Variants in DST observed in about 807,000 individuals in gnomAD.
DST encodes dystonin.
DST carries 253 observed loss-of-function variants against 875.2 expected under a neutral mutation model. The observed-to-expected ratio is 0.29, with a 90% CI of 0.26 to 0.32. DST has a LOEUF of 0.32. Ranked by LOEUF, DST falls within the 10% of genes least tolerant of loss-of-function variation. The probability of loss-of-function intolerance (pLI) is 1.00; values close to 1 mark genes in which losing one functional copy is unlikely to be tolerated. For missense variants in DST, 8,287 were observed against 9,111.6 expected (o/e 0.91, Z 3.68); for synonymous variants, 3,124 against 3,197.1 (o/e 0.98, Z 0.77).
chr6:56,869,400 A>G (rs1390701798), intron 3 of DST, among the ~76,000 whole-genome samples: 1 of 152,230 alleles, frequency 6.6e-6, no homozygotes, highest in Non-Finnish European at 1.5e-5. Flanking sequence ...TTCACTTGAC[A>G]AACAGGAGAC....
At chr6:56,862,989 T>C (rs1187945146) in intron 3 of DST, 2 of 152,202 alleles carry the variant, frequency 1.3e-5, no homozygotes, top group African/African-American at 4.8e-5. Flanking sequence ...GCCTCCTAAT[T>C]TGTGGTGACT....
intron 5 of DST, among the ~76,000 whole-genome samples, chr6:56,728,182 T>C (rs1030717271): frequency 1.3e-5 from 2 of 152,230 alleles, no homozygotes; most frequent in East Asian, 1.9e-4. Flanking sequence ...TTTGAAAAGA[T>C]AGTTCACAAT....
At chr6:56,928,091 T>C (rs1366924112) in intron 2 of DST, among the ~76,000 whole-genome samples, 2 of 152,176 alleles carry the variant, frequency 1.3e-5, no homozygotes, top group Non-Finnish European at 2.9e-5. Context: ...CTTATACCTC[T>C]GAGGTGGGAG....
At chr6:56,518,315 A>G (rs2096634401) in intron 69 of DST, among the ~76,000 whole-genome samples, 1 of 152,166 alleles carries the variant, frequency 6.6e-6, no homozygotes, top group South Asian at 2.1e-4. Context: ...GAAGAAAATT[A>G]AAACCTAGAT....
intron 62 of DST, among the ~76,000 whole-genome samples, chr6:56,535,999 CTT>C (rs1454575600): frequency 6.6e-6 from 1 of 152,208 alleles, no homozygotes; most frequent in African/African-American, 2.4e-5. Context: ...ATGTATCAGA[CTT>C]TAAAGAATGA....
At chr6:56,816,741 T>C (rs1314558091) in intron 4 of DST, among the ~76,000 whole-genome samples, 1 of 152,096 alleles carries the variant, frequency 6.6e-6, no homozygotes, top group Non-Finnish European at 1.5e-5. Context: ...TTGGTCTATG[T>C]TTCCCTTAAT....
At position 56,632,996 on chromosome 6, in the gene DST, A is replaced by G; in HGVS notation, c.3663T>C (p.Ser1221=). The stretch of plus-strand genomic sequence containing the variant: ...AATCTTCAAAACGAGATTGTAGATT[A>G]CTTAGAACTTGCTGATGTTCACCAG... ...MLPGEHQQVL[S]NLQSRFEDFL... is the part of the protein sequence containing the mutation. Residue 1221 remains serine, a synonymous_variant, in exon 28 of 104, where the codon AGT becomes AGC. Coordinates refer to ENST00000680361, the MANE Select transcript of DST (RefSeq NM_001374736.1). 2 of 1,614,038 alleles carry G rather than the reference A, an allele frequency of 1.2e-6. No homozygotes were observed. Among genetic ancestry groups the G allele is most frequent in the Non-Finnish European group, 8.5e-7 (1 of 1,179,978 alleles).
chr6:56,767,903 C>T (rs1445543363), intron 4 of DST, among the ~76,000 whole-genome samples: 1 of 152,084 alleles, frequency 6.6e-6, no homozygotes. Context: ...CTGCTACAGA[C>T]CTAAGACAGG....
chr6:56,778,388 T>A lies in DST; in HGVS notation c.626-43099A>T, dbSNP rs1234455201. ...TTTTTTTCAAATCTGTTAGTTATTT[T>A]TTTTTTAATTATACTTTAAGTTTTA... is the stretch of plus-strand genomic sequence containing the variant. On this transcript the variant is annotated intron_variant, in intron 4 of 103. Coordinates refer to ENST00000680361, the MANE Select transcript of DST (RefSeq NM_001374736.1). Among the ~76,000 whole-genome samples the A allele has an allele frequency of 2.0e-5, 3 of 151,858 alleles. No homozygotes were observed. The East Asian group carries it at 5.8e-4, about 29-fold the overall frequency.
intron 5 of DST, among the ~76,000 whole-genome samples, chr6:56,715,217 C>T (rs2099390732): frequency 1.3e-5 from 2 of 152,096 alleles, no homozygotes; most frequent in Non-Finnish European, 2.9e-5. Flanking sequence ...AAATGACTTC[C>T]TAGCAGGGGA....
intron 92 of DST, chr6:56,474,335 T>C (rs2095057957): frequency 9.9e-6 from 2 of 202,746 alleles, no homozygotes; most frequent in Admixed American, 5.8e-5. Context: ...ATTACAAAAA[T>C]TAACCAGGCA....
chr6:56,473,810 C>T, intron 93 of DST, 63 bp downstream of exon 93: 11 of 1,507,312 alleles, frequency 7.3e-6, no homozygotes, highest in Non-Finnish European at 9.8e-6. Context: ...TCAAATAATT[C>T]AAAATAAAAG....
rs767631116 is a variant in DST, at chr6:56,570,018, T to C, written c.13722-6A>G. ...AAGAAGTTACAGCTTCTTTTCTACA[T>C]AACAAAAATCATACAAGAATTTAAG... is the stretch of plus-strand genomic sequence containing the variant. On this transcript the variant is annotated splice_region_variant and splice_polypyrimidine_tract_variant and intron_variant, in intron 53 of 103. Coordinates refer to ENST00000680361, the MANE Select transcript of DST (RefSeq NM_001374736.1). The C allele has an allele frequency of 1.3e-6, 2 of 1,559,788 alleles. No individual in the cohort carries two copies. Among genetic ancestry groups the C allele is most frequent in the Non-Finnish European group, 1.7e-6 (2 of 1,156,922 alleles).
rs759308243 is a variant in DST, at chr6:56,604,027, C to T, written c.10601G>A (p.Ser3534Asn). The change falls in exon 40 of 104, where the codon AGC becomes AAC. Residue 3534 changes from serine to asparagine, a missense_variant. Physicochemically the swap from Ser to Asn is conservative, Grantham distance 46. This residue lies in a region of DST where 3,138 missense variants were observed against 3,116.6 expected (regional missense o/e 1.01). Coordinates refer to ENST00000680361, the MANE Select transcript of DST (RefSeq NM_001374736.1). ...EKPHILGDIKSKEGNYYSPNL... is the reference protein window; with the variant it reads ...EKPHILGDIKNKEGNYYSPNL... ...AGGAGAATAGTAGTTTCCTTCTTTG[C>T]TTTTAATATCACCAAGAATATGTGG... is the stretch of plus-strand genomic sequence containing the variant. 5 of 1,593,562 alleles carry T rather than the reference C, an allele frequency of 3.1e-6. No individual in the cohort carries two copies. Among genetic ancestry groups the T allele is most frequent in the Non-Finnish European group, 4.3e-6 (5 of 1,168,316 alleles).
chr6:56,888,420 G>A lies in DST; in HGVS notation c.417+12001C>T, dbSNP rs567137671. ...TCAATTCATTCTCCAGAATTCCAAA[G>A]GGGAAAAGGAAACAAATGTTTCCTC... On this transcript the variant is annotated intron_variant, in intron 3 of 103. Transcript: ENST00000680361. Among the ~76,000 whole-genome samples, 400 of 152,252 alleles carry A rather than the reference G, an allele frequency of 2.6e-3. 2 individuals are homozygous for A. The highest frequency in any genetic ancestry group is 9.8e-3 in the South Asian group (47 of 4,814).
chr6:56,833,348 A>C (rs1180109542), intron 4 of DST, among the ~76,000 whole-genome samples: 1 of 152,238 alleles, frequency 6.6e-6, no homozygotes, highest in East Asian at 1.9e-4. Flanking sequence ...ATATAGCACT[A>C]CATCCAGGCC....
Position 56,604,938 on chromosome 6 carries a change from A to G in DST, c.9690T>C (p.Thr3230=). ...LGVNNTKEKS[T]STQKDSPLND... ...TAAGAGGTGAGTCTTTTTGGGTACT[A>G]GTGGACTTCTCTTTTGTATTATTAA... Residue 3230 remains threonine (T), a synonymous_variant, in exon 40 of 104, where the codon ACT becomes ACC. Transcript: ENST00000680361. 6.2e-7 allele frequency: 1 copy of G among 1,612,708 alleles called. No homozygotes were observed. The highest frequency in any genetic ancestry group is 8.5e-7 in the Non-Finnish European group (1 of 1,179,240).
chr6:56,567,775 G>GA (rs34500481), intron 55 of DST, among the ~76,000 whole-genome samples: 2,139 of 152,138 alleles, frequency 0.014, 39 homozygotes, highest in African/African-American at 0.048. Context: ...AGAACTCTCA[G>GA]AAAAAAGATA....
chr6:56,581,873 T>C (rs2098007354), intron 49 of DST, among the ~76,000 whole-genome samples: 1 of 152,208 alleles, frequency 6.6e-6, no homozygotes, highest in African/African-American at 2.4e-5. Context: ...TCTCTGTACC[T>C]ATACTTTCTC....
Sources: gnomAD v4.1 joint callset for allele counts (sites outside exome capture counted in the v4.1 genomes callset) on GRCh38, gnomAD v4.1.1 for gene constraint, gnomAD v4.1.1 regional missense constraint, MANE v1.5 for transcripts, NCBI Gene and HGNC (gene_info 2026-07-23, HGNC 2026-07-21) for gene names.